The following IDI2 variants were observed in gnomAD, a reference collection of about 807,000 sequenced individuals.
IDI2 encodes the protein isopentenyl-diphosphate delta isomerase 2.
Under a neutral mutation model 14.8 loss-of-function variants are expected in IDI2, and 18 were observed. The ratio of observed to expected loss-of-function variants is 1.22; its 90% CI spans 0.84 to 1.80. The LOEUF is 1.80. Among genes scored for constraint, IDI2 ranks in the 40% most tolerant of loss-of-function variants. IDI2 has a pLI of 0.00. For synonymous variants in IDI2, 133 were observed against 109.6 expected (o/e 1.21, Z -1.33); for missense variants, 316 against 283.2 (o/e 1.12, Z -0.83).
chr10:1,021,866 G>C (rs971189024), intron 3 of IDI2, among the ~76,000 whole-genome samples: 1 of 152,194 alleles, frequency 6.6e-6, no homozygotes, highest in Non-Finnish European at 1.5e-5. Context: ...TTAGCCATTC[G>C]CTTTAATGGC....
At chr10:1,025,028 A>G (rs746238607) in intron 1 of IDI2, among the ~76,000 whole-genome samples, 6,595 of 53,894 alleles carry the variant, frequency 0.12, 296 homozygotes, top group African/African-American at 0.25. Context: ...ACACACACAC[A>G]CACACACACA....
In IDI2 at chr10:1,020,801, C is replaced by T. The variant is rs368608756; in HGVS notation, c.332G>A (p.Arg111His). The change falls in exon 4 of 5, where the codon CGT becomes CAT. Residue 111 changes from arginine (R) to histidine (H), a missense_variant. Transcript: ENST00000277517. ...AGGAATTCCCAGCTCTGCTTGCAGA[C>T]GCCTCTGGGCTGCCCTCCTCACTCC... is the stretch of plus-strand genomic sequence containing the variant. Reference protein sequence around the residue: ...AIGVRRAAQRRLQAELGIPGE... With the variant: ...AIGVRRAAQRHLQAELGIPGE... 9.9e-5 allele frequency: 160 copies of T among 1,613,438 alleles called. No homozygotes were observed. The highest frequency in any genetic ancestry group is 2.6e-4 in the South Asian group (24 of 90,912).
Position 1,019,792 on chromosome 10 carries a change from TGTG to T in IDI2, c.406_408del (p.His136del), listed in dbSNP as rs752905367. 9.9e-6 allele frequency: 16 copies of T among 1,614,036 alleles called. No individual in the cohort carries two copies. Among genetic ancestry groups the T allele is most frequent in the African/African-American group, 8.0e-5 (6 of 75,008 alleles). On this transcript the variant is annotated inframe_deletion, in exon 5 of 5. Coordinates refer to ENST00000277517, the MANE Select transcript of IDI2 (RefSeq NM_033261.3). ...CCCCAAATTCTGTCTGATTTTGCCT[TGTG>T]GTGATAGATTGTCATGAACACAATG...
In IDI2 at chr10:1,019,916, T is replaced by C. The variant is rs572501482; in HGVS notation, c.367-82A>G. ...AGAAAAATAGAGAAAATAAACACATTTGTTTTCCTCAGAAAATGAACACTT... is the reference window on the plus strand; with the variant it reads ...AGAAAAATAGAGAAAATAAACACATCTGTTTTCCTCAGAAAATGAACACTT... On this transcript the variant is annotated intron_variant, in intron 4 of 4. Coordinates refer to ENST00000277517, the MANE Select transcript of IDI2 (RefSeq NM_033261.3). The C allele has an allele frequency of 1.5e-4, 152 of 1,046,562 alleles. No individual in the cohort carries two copies. The African/African-American group carries it at 2.2e-3, about 15-fold the overall frequency. The allele number at this position is 1,046,562 out of a possible 1,614,324, so 64.8% of individuals were successfully genotyped here.
chr10:1,022,176 G>A (rs150508794), intron 3 of IDI2, among the ~76,000 whole-genome samples: 5 of 151,852 alleles, frequency 3.3e-5, no homozygotes, highest in African/African-American at 9.7e-5. Flanking sequence ...GGACAATGGC[G>A]TGAACCCAGG....
chr10:1,020,621 T>TCACAGCCCCATC, intron 4 of IDI2, 146 bp downstream of exon 4: 1 of 785,852 alleles, frequency 1.3e-6, no homozygotes, highest in Non-Finnish European at 2.0e-6. Flanking sequence ...CACAGCTCAT[T>TCACAGCCCCATC]CACAGCCCCA....
At position 1,019,799 on chromosome 10, in the gene IDI2, A is replaced by G; in HGVS notation, c.402T>C (p.Tyr134=). 6.2e-7 allele frequency: 1 copy of G among 1,614,078 alleles called. No homozygotes were observed. The highest frequency in any genetic ancestry group is 8.5e-7 in the Non-Finnish European group (1 of 1,179,978). Residue 134 remains tyrosine, a synonymous_variant, in exon 5 of 5, where the codon TAT becomes TAC. Coordinates refer to ENST00000277517, the MANE Select transcript of IDI2 (RefSeq NM_033261.3). The stretch of plus-strand genomic sequence containing the variant: ...TTCTGTCTGATTTTGCCTTGTGGTG[A>G]TAGATTGTCATGAACACAATGTCCT... The part of the protein sequence containing the change: ...SPEDIVFMTI[Y]HHKAKSDRIW...
Position 1,020,731 on chromosome 10 carries a change from C to T in IDI2, c.366+36G>A, listed in dbSNP as rs754713319. ...CGTCTGCCCGCTGCCAACCTGGACT[C>T]CCGTGGACACAGCTGAGACTGGATG... On this transcript the variant is annotated intron_variant, in intron 4 of 4. Transcript: ENST00000277517. The T allele has an allele frequency of 3.8e-6, 6 of 1,581,668 alleles. No homozygotes were observed. The Admixed American group carries it at 8.9e-5, about 24-fold the overall frequency.
intron 1 of IDI2, among the ~76,000 whole-genome samples, 155 bp downstream of exon 1, chr10:1,025,661 T>C (rs912873977): frequency 6.6e-6 from 1 of 152,222 alleles, no homozygotes; most frequent in African/African-American, 2.4e-5. Flanking sequence ...ACTGTTAATA[T>C]TTTCAGCAAT....
intron 4 of IDI2, 89 bp downstream of exon 4, chr10:1,020,678 G>T: frequency 7.5e-7 from 1 of 1,338,246 alleles, no homozygotes; most frequent in Non-Finnish European, 1.0e-6. Context: ...GAGGTCAATG[G>T]TGTAGATCCA....
chr10:1,024,355 G>A (rs938200152), intron 2 of IDI2, among the ~76,000 whole-genome samples: 1 of 152,200 alleles, frequency 6.6e-6, no homozygotes, highest in African/African-American at 2.4e-5. Context: ...ACGAGGAAGA[G>A]CACGGATGCC....
chr10:1,020,695 ACTTT>A, intron 4 of IDI2, 68 bp downstream of exon 4: 1 of 1,283,212 alleles, frequency 7.8e-7, no homozygotes, highest in Non-Finnish European at 1.0e-6. Flanking sequence ...TCCAGCCTGG[ACTTT>A]GTTCACCGTC....
In IDI2 at chr10:1,024,684, AC is replaced by A; in HGVS notation, c.39del (p.Gln13HisfsTer9). On this transcript the variant is annotated frameshift_variant, in exon 2 of 5. Coordinates refer to ENST00000277517, the MANE Select transcript of IDI2 (RefSeq NM_033261.3). LOFTEE classifies it high-confidence loss of function. The stretch of plus-strand genomic sequence containing the variant: ...ATCAGCATTTCCTCCAAGCGCTGCA[AC>A]TGACGCCTGTCAACCCAGTCAAGAT... ...DINLDWVDRR[Q>X]LQRLEEMLIV... The A allele has an allele frequency of 6.2e-7, 1 of 1,614,192 alleles. No homozygotes were observed. The highest frequency in any genetic ancestry group is 8.5e-7 in the Non-Finnish European group (1 of 1,180,028).
chr10:1,022,146 C>T (rs60225499), intron 3 of IDI2, among the ~76,000 whole-genome samples: 3 of 151,962 alleles, frequency 2.0e-5, no homozygotes, highest in Non-Finnish European at 2.9e-5. Flanking sequence ...GTAGTCCCAG[C>T]TACTTGGGAG....
At position 1,024,622 on chromosome 10, in the gene IDI2, G is replaced by A. The variant is rs1226436891; in HGVS notation, c.102C>T (p.Asp34=). 35 of 1,614,002 alleles carry A rather than the reference G, an allele frequency of 2.2e-5. No individual in the cohort carries two copies. Among genetic ancestry groups the A allele is most frequent in the Non-Finnish European group, 3.0e-5 (35 of 1,180,012 alleles). ...VDENDKVIGA[D]TKRNCHLNEN... ...CGTTCAGATGGCAATTCCTCTTGGT[G>A]TCGGCACCAATAACCTTATCATTCT... Residue 34 remains aspartate, a synonymous_variant, in exon 2 of 5, where the codon GAC becomes GAT. Coordinates refer to ENST00000277517, the MANE Select transcript of IDI2 (RefSeq NM_033261.3).
At position 1,020,805 on chromosome 10, in the gene IDI2, T is replaced by C; in HGVS notation, c.328A>G (p.Arg110Gly). The change falls in exon 4 of 5, where the codon AGG (arginine) becomes GGG (glycine). Residue 110 changes from arginine (R) to glycine (G), a missense_variant. Physicochemically the swap from Arg to Gly is moderately radical, Grantham distance 125. Transcript: ENST00000277517. The stretch of plus-strand genomic sequence containing the variant: ...ATTCCCAGCTCTGCTTGCAGACGCC[T>C]CTGGGCTGCCCTCCTCACTCCGATG... ...DAIGVRRAAQ[R>G]RLQAELGIPG... The C allele has an allele frequency of 1.2e-6, 2 of 1,613,880 alleles. No individual in the cohort carries two copies. The highest frequency in any genetic ancestry group is 1.7e-6 in the Non-Finnish European group (2 of 1,179,920).
chr10:1,019,445 G>A lies in IDI2; in HGVS notation c.*72C>T, dbSNP rs1203320258. 14 of 1,246,496 alleles carry A rather than the reference G, an allele frequency of 1.1e-5. No homozygotes were observed. Among genetic ancestry groups the A allele is most frequent in the African/African-American group, 1.5e-5 (1 of 66,258 alleles). 77.2% of individuals were successfully genotyped at this position (1,246,496 alleles called of 1,614,324 possible). On this transcript the variant is annotated 3_prime_UTR_variant, in exon 5 of 5. Coordinates refer to ENST00000277517, the MANE Select transcript of IDI2 (RefSeq NM_033261.3). The stretch of plus-strand genomic sequence containing the variant: ...TTTTGCCCTGTTTTTTGGAGAGGGT[G>A]TATCATTGCCTCAATGGTGCGTCTG...
intron 2 of IDI2, among the ~76,000 whole-genome samples, chr10:1,023,701 A>G (rs1347226480): frequency 6.6e-6 from 1 of 152,220 alleles, no homozygotes; most frequent in Non-Finnish European, 1.5e-5. Flanking sequence ...GAGGGTGGTT[A>G]ATAAGTATAA....
At chr10:1,020,423 T>C (rs527507134) in intron 4 of IDI2, among the ~76,000 whole-genome samples, 1 of 152,184 alleles carries the variant, frequency 6.6e-6, no homozygotes, top group South Asian at 2.1e-4. Context: ...TTTCTTGACC[T>C]TGTGATCCGC....
Sources: allele counts gnomAD v4.1 joint callset (sites outside exome capture counted in the v4.1 genomes callset), GRCh38; gene constraint gnomAD v4.1.1; transcripts MANE v1.5; gene names NCBI Gene and HGNC (gene_info 2026-07-23, HGNC 2026-07-21).